RAD51B: variants seen among roughly 807,000 people sequenced by gnomAD.
RAD51B encodes DNA repair protein RAD51 homolog 2.
A neutral mutation model predicts 42.2 loss-of-function variants in RAD51B; 38 were observed. That is an observed-to-expected ratio of 0.90 (90% confidence interval 0.70 to 1.18). The LOEUF is 1.18. Among genes scored for constraint, RAD51B ranks in the 50% most tolerant of loss-of-function variants. The probability of loss-of-function intolerance (pLI) is 0.00; values close to 1 mark genes in which losing one functional copy is unlikely to be tolerated. For missense variants in RAD51B, 373 were observed against 400.7 expected (o/e 0.93, Z 0.59); for synonymous variants, 154 against 145.2 (o/e 1.06, Z -0.43).
chr14:68,564,973 C>T (rs1315410167), intron 10 of RAD51B, among the ~76,000 whole-genome samples: 2 of 152,244 alleles, frequency 1.3e-5, no homozygotes, highest in Admixed American at 6.5e-5. Context: ...ACAGCCTCTC[C>T]CCTCACTGAG....
chr14:68,289,184 A>G (rs1439501341), intron 7 of RAD51B, among the ~76,000 whole-genome samples: 1 of 152,204 alleles, frequency 6.6e-6, no homozygotes, highest in East Asian at 1.9e-4. Flanking sequence ...ATTAACCTGT[A>G]TATGCTCATT....
intron 10 of RAD51B, among the ~76,000 whole-genome samples, chr14:68,623,419 C>T (rs1270635044): frequency 6.6e-6 from 1 of 152,206 alleles, no homozygotes; most frequent in East Asian, 1.9e-4. Flanking sequence ...GAAATGAGAG[C>T]TAGTGACATT....
At chr14:68,056,758 AAATAAATAAAAAT>A (rs1331521479) in intron 7 of RAD51B, among the ~76,000 whole-genome samples, 1 of 151,610 alleles carries the variant, frequency 6.6e-6, no homozygotes, top group African/African-American at 2.4e-5. Flanking sequence ...AAAAATAAAT[AAATAAATAAAAAT>A]AATAAATAAA....
At chr14:67,987,608 T>C (rs2075217419) in intron 7 of RAD51B, among the ~76,000 whole-genome samples, 1 of 152,206 alleles carries the variant, frequency 6.6e-6, no homozygotes, top group Non-Finnish European at 1.5e-5. Context: ...CCTATTTTAA[T>C]GAAGAACATT....
At chr14:68,025,312 T>C (rs1238496352) in intron 7 of RAD51B, among the ~76,000 whole-genome samples, 2 of 151,946 alleles carry the variant, frequency 1.3e-5, no homozygotes, top group Non-Finnish European at 2.9e-5. Context: ...TTGCTACGTT[T>C]ATTATGTCTC....
intron 8 of RAD51B, among the ~76,000 whole-genome samples, chr14:68,374,045 C>T (rs568104550): frequency 6.6e-6 from 1 of 152,270 alleles, no homozygotes; most frequent in South Asian, 2.1e-4. Flanking sequence ...TCATACCAGA[C>T]ATGTTAATTA....
chr14:68,415,672 C>T (rs1594804341), intron 9 of RAD51B, among the ~76,000 whole-genome samples: 1 of 152,268 alleles, frequency 6.6e-6, no homozygotes, highest in East Asian at 1.9e-4. Flanking sequence ...GTGGCCGAGG[C>T]CTTCACTTGG....
intron 10 of RAD51B, among the ~76,000 whole-genome samples, chr14:68,551,546 G>A (rs1888571598): frequency 6.6e-6 from 1 of 152,098 alleles, no homozygotes; most frequent in Non-Finnish European, 1.5e-5. Context: ...GTAAGTATCT[G>A]ACGTCAGTCA....
chr14:67,974,783 C>A (rs1242353716), intron 7 of RAD51B, among the ~76,000 whole-genome samples: 1 of 152,082 alleles, frequency 6.6e-6, no homozygotes, highest in Non-Finnish European at 1.5e-5. Flanking sequence ...ATGGAAAAAA[C>A]AATTTGGTAA....
intron 8 of RAD51B, among the ~76,000 whole-genome samples, chr14:68,389,229 T>C (rs567121528): frequency 1.2e-4 from 18 of 152,118 alleles, no homozygotes; most frequent in Non-Finnish European, 2.5e-4. Context: ...TTAAGAAACA[T>C]AACATTAATA....
intron 10 of RAD51B, among the ~76,000 whole-genome samples, chr14:68,549,582 A>AT (rs1371249866): frequency 4.7e-5 from 7 of 149,526 alleles, no homozygotes; most frequent in African/African-American, 1.7e-4. Flanking sequence ...TGCCCGGCTA[A>AT]TTTTTGTATT....
intron 7 of RAD51B, among the ~76,000 whole-genome samples, chr14:68,152,571 T>C (rs1347770790): frequency 6.6e-6 from 1 of 152,210 alleles, no homozygotes. Context: ...TTTGTTTGTT[T>C]TTGCTTTTTT....
At chr14:68,327,897 G>C (rs556693301) in intron 8 of RAD51B, among the ~76,000 whole-genome samples, 2 of 152,200 alleles carry the variant, frequency 1.3e-5, no homozygotes, top group East Asian at 3.9e-4. Context: ...ATAGGATTTT[G>C]TCTTCTAGTT....
intron 7 of RAD51B, among the ~76,000 whole-genome samples, chr14:67,888,065 C>A (rs981267383): frequency 6.6e-6 from 1 of 152,036 alleles, no homozygotes; most frequent in Non-Finnish European, 1.5e-5. Context: ...TGGATCTTTG[C>A]AACATAAAGA....
chr14:67,920,541 A>G (rs971595357), intron 7 of RAD51B, among the ~76,000 whole-genome samples: 2 of 152,210 alleles, frequency 1.3e-5, no homozygotes, highest in Non-Finnish European at 2.9e-5. Flanking sequence ...TAAATGGCCC[A>G]TAAAGAAAAA....
At chr14:68,652,304 T>C (rs1318935398) in intron 11 of RAD51B, among the ~76,000 whole-genome samples, 1 of 152,204 alleles carries the variant, frequency 6.6e-6, no homozygotes, top group Non-Finnish European at 1.5e-5. Flanking sequence ...CTTGCTGTCC[T>C]TTCTCCTTGC....
downstream of RAD51B, among the ~76,000 whole-genome samples, chr14:68,599,643 G>A (rs527604445): frequency 6.6e-6 from 1 of 152,324 alleles, no homozygotes; most frequent in African/African-American, 2.4e-5. Flanking sequence ...AATCAGCTCA[G>A]TGGAAATGTT....
At chr14:68,093,984 G>A (rs575388289) in intron 7 of RAD51B, among the ~76,000 whole-genome samples, 1 of 152,160 alleles carries the variant, frequency 6.6e-6, no homozygotes, top group African/African-American at 2.4e-5. Context: ...GAACACTCCT[G>A]CTGCCCTACT....
At chr14:68,655,479 G>C (rs1595049444) in intron 11 of RAD51B, among the ~76,000 whole-genome samples, 1 of 152,158 alleles carries the variant, frequency 6.6e-6, no homozygotes, top group East Asian at 1.9e-4. Context: ...CTGATAGCAG[G>C]AACAGCATCT....
Sources: gnomAD v4.1 joint callset for allele counts (sites outside exome capture counted in the v4.1 genomes callset) on GRCh38, gnomAD v4.1.1 for gene constraint, MANE v1.5 for transcripts, NCBI Gene and HGNC (gene_info 2026-07-23, HGNC 2026-07-21) for gene names.